VKORC1L1: variants seen among roughly 807,000 people sequenced by gnomAD.
VKORC1L1 encodes vitamin K epoxide reductase complex subunit 1-like protein 1.
In VKORC1L1, 2 loss-of-function variants were observed where a neutral mutation model predicts 18.9. The observed-to-expected ratio is 0.11, with a 90% CI of 0.04 to 0.33. The LOEUF is 0.33. VKORC1L1 is among the 10% of genes least tolerant of loss of function. The pLI, the probability that VKORC1L1 is intolerant of heterozygous loss-of-function variation, is 1.00. For synonymous variants in VKORC1L1, 96 were observed against 100.0 expected, an observed-to-expected ratio of 0.96 and a Z score of 0.24; for missense variants, 123 against 224.1, an observed-to-expected ratio of 0.55 and a Z score of 2.88.
At chr7:65,946,823 T>G (rs1460429669) in intron 1 of VKORC1L1, among the ~76,000 whole-genome samples, 1 of 152,116 alleles carries the variant, frequency 6.6e-6, no homozygotes, top group Non-Finnish European at 1.5e-5. Context: ...TAATGGAAAT[T>G]ATTTTATGTT....
At chr7:65,909,584 C>A (rs1789465582) in intron 1 of VKORC1L1, among the ~76,000 whole-genome samples, 1 of 152,080 alleles carries the variant, frequency 6.6e-6, no homozygotes, top group East Asian at 1.9e-4. Flanking sequence ...GTGTGGATCT[C>A]ATTGGTTGAA....
chr7:65,913,170 T>A (rs1042067613), intron 1 of VKORC1L1, among the ~76,000 whole-genome samples: 2 of 152,330 alleles, frequency 1.3e-5, no homozygotes, highest in Admixed American at 6.5e-5. Context: ...GCTATAACTA[T>A]GAAAAATTGA....
intron 1 of VKORC1L1, among the ~76,000 whole-genome samples, chr7:65,889,885 T>A (rs1009805542): frequency 3.3e-5 from 5 of 152,214 alleles, no homozygotes; most frequent in African/African-American, 1.2e-4. Context: ...GAGCTGTAGT[T>A]TGTGCATTAG....
intron 1 of VKORC1L1, among the ~76,000 whole-genome samples, chr7:65,909,221 C>T (rs192930882): frequency 2.7e-5 from 4 of 149,062 alleles, no homozygotes; most frequent in African/African-American, 4.9e-5. Context: ...TCACCTCAAG[C>T]GATCCACCCA....
In VKORC1L1 at chr7:65,897,875, T is replaced by G. The variant is rs571617778; in HGVS notation, c.194+24310T>G. 7.9e-5 allele frequency among the ~76,000 whole-genome samples: 12 copies of G among 152,192 alleles called. No individual in the cohort carries two copies. The South Asian group carries it at 2.5e-3, about 32-fold the overall frequency. On this transcript the variant is annotated intron_variant, in intron 1 of 2. Coordinates refer to ENST00000360768, the MANE Select transcript of VKORC1L1 (RefSeq NM_173517.6). ...ACATCACACAATCACACATAAAGAATGCACATAACTTTTGTTTTAGCAGTT... is the reference window on the plus strand; with the variant it reads ...ACATCACACAATCACACATAAAGAAGGCACATAACTTTTGTTTTAGCAGTT...
intron 1 of VKORC1L1, among the ~76,000 whole-genome samples, chr7:65,909,580 A>C (rs550286004): frequency 6.6e-6 from 1 of 152,008 alleles, no homozygotes; most frequent in African/African-American, 2.4e-5. Flanking sequence ...CTGTGTGTGG[A>C]TCTCATTGGT....
At chr7:65,871,045 C>CAA (rs1291597647), upstream of VKORC1L1, among the ~76,000 whole-genome samples, 11 of 152,192 alleles carry the variant, frequency 7.2e-5, no homozygotes, top group Non-Finnish European at 1.5e-4. Context: ...CTCAGCCTCT[C>CAA]AAAGTGTTGT....
At chr7:65,941,115 TTTTTC>T (rs945927639) in intron 1 of VKORC1L1, among the ~76,000 whole-genome samples, 3 of 152,114 alleles carry the variant, frequency 2.0e-5, no homozygotes, top group African/African-American at 7.2e-5. Flanking sequence ...CTATTTCTTT[TTTTTC>T]TTTTCTTTTA....
At chr7:65,906,492 T>C (rs892074856) in intron 1 of VKORC1L1, among the ~76,000 whole-genome samples, 6 of 152,166 alleles carry the variant, frequency 3.9e-5, no homozygotes, top group Admixed American at 1.3e-4. Context: ...TACTGGCCTA[T>C]TTTGTAAGAC....
In VKORC1L1 at chr7:65,898,499, C is replaced by T. The variant is rs184687690; in HGVS notation, c.194+24934C>T. Among the ~76,000 whole-genome samples, 405 of 152,042 alleles carry T rather than the reference C, an allele frequency of 2.7e-3. 2 individuals carry two copies. Among genetic ancestry groups the T allele is most frequent in the African/African-American group, 9.3e-3 (387 of 41,480 alleles). The stretch of plus-strand genomic sequence containing the variant: ...ATGAACAGTATGTGTAGTATGCCAC[C>T]GTTTGTGTATGGGTGTGTTTTATCT... On this transcript the variant is annotated intron_variant, in intron 1 of 2. Coordinates refer to ENST00000360768, the MANE Select transcript of VKORC1L1 (RefSeq NM_173517.6).
intron 1 of VKORC1L1, among the ~76,000 whole-genome samples, chr7:65,894,722 C>T (rs1455532344): frequency 7.9e-5 from 12 of 151,892 alleles, no homozygotes; most frequent in Non-Finnish European, 1.8e-4. Flanking sequence ...AGCGAGACTC[C>T]GTCTCAAAAA....
Position 65,904,808 on chromosome 7 carries a change from C to T in VKORC1L1, c.194+31243C>T, listed in dbSNP as rs955786020. 3.9e-5 allele frequency among the ~76,000 whole-genome samples: 6 copies of T among 152,096 alleles called. No individual in the cohort carries two copies. In the South Asian group the frequency reaches 1.2e-3, roughly 32 times the overall value. ...TAAATGTAAATGGTCTTGAAAAATT[C>T]ATTCAGGTTAAAAATACAAGAGAAG... On this transcript the variant is annotated intron_variant, in intron 1 of 2. Transcript: ENST00000360768.
intron 1 of VKORC1L1, among the ~76,000 whole-genome samples, chr7:65,929,488 A>G (rs117609618): frequency 6.6e-6 from 1 of 151,958 alleles, no homozygotes; most frequent in Non-Finnish European, 1.5e-5. Context: ...CTGTCCTTTC[A>G]CCACTACCAC....
chr7:65,886,307 A>C (rs377467880), intron 1 of VKORC1L1, among the ~76,000 whole-genome samples: 6 of 152,138 alleles, frequency 3.9e-5, no homozygotes, highest in Admixed American at 1.3e-4. Context: ...CAAGTTGATA[A>C]CTGTACTTAA....
At chr7:65,881,820 C>A (rs1049280742) in intron 1 of VKORC1L1, among the ~76,000 whole-genome samples, 2 of 152,202 alleles carry the variant, frequency 1.3e-5, no homozygotes, top group Non-Finnish European at 1.5e-5. Context: ...TGGCTCATGC[C>A]TGTAATCCCA....
At chr7:65,895,072 TAGAA>T (rs1789169386) in intron 1 of VKORC1L1, among the ~76,000 whole-genome samples, 1 of 152,206 alleles carries the variant, frequency 6.6e-6, no homozygotes, top group African/African-American at 2.4e-5. Context: ...TTTATATTGT[TAGAA>T]AGATCCTTTT....
chr7:65,950,213 T>A (rs1458162485), intron 2 of VKORC1L1, among the ~76,000 whole-genome samples: 2 of 152,214 alleles, frequency 1.3e-5, no homozygotes, highest in African/African-American at 2.4e-5. Flanking sequence ...CATTTAGTTA[T>A]TGGATCCCGA....
chr7:65,952,778 C>CTTTTTTTTTTTT (rs11395208), intron 2 of VKORC1L1, among the ~76,000 whole-genome samples: 23 of 86,610 alleles, frequency 2.7e-4, no homozygotes, highest in Non-Finnish European at 3.5e-4. Context: ...TTTTTTTTTC[C>CTTTTTTTTTTTT]TTTTTTTTTT....
In VKORC1L1 at chr7:65,930,131, G is replaced by A. The variant is rs114250604; in HGVS notation, c.195-18540G>A. ...GATTTTTGTATATTGGTCTTGTGCC[G>A]GGTAACCTTATAAACTTCTTAATTC... On this transcript the variant is annotated intron_variant, in intron 1 of 2. Coordinates refer to ENST00000360768, the MANE Select transcript of VKORC1L1 (RefSeq NM_173517.6). 7.6e-3 allele frequency among the ~76,000 whole-genome samples: 1,159 copies of A among 152,098 alleles called. 13 individuals are homozygous for A. Among genetic ancestry groups the A allele is most frequent in the African/African-American group, 0.026 (1,068 of 41,492 alleles).
Sources: allele counts gnomAD v4.1 joint callset (sites outside exome capture counted in the v4.1 genomes callset), GRCh38; gene constraint gnomAD v4.1.1; transcripts MANE v1.5; gene names NCBI Gene and HGNC (gene_info 2026-07-23, HGNC 2026-07-21).